The following STK3 variants were observed in gnomAD, a reference collection of about 807,000 sequenced individuals.
STK3 encodes serine/threonine-protein kinase 3.
STK3 carries 41 observed loss-of-function variants against 58.0 expected under a neutral mutation model. The ratio of observed to expected loss-of-function variants is 0.71; its 90% CI spans 0.55 to 0.92. STK3 has a LOEUF of 0.92. Among genes scored for constraint, STK3 ranks in the 40% least tolerant of loss-of-function variants. The pLI is 0.00. For synonymous variants in STK3, 170 were observed against 191.0 expected, an observed-to-expected ratio of 0.89 and a Z score of 0.91; for missense variants, 479 against 602.7, an observed-to-expected ratio of 0.79 and a Z score of 2.15.
chr8:98,734,112 G>A (rs117997420), intron 4 of STK3, among the ~76,000 whole-genome samples: 4,805 of 152,086 alleles, frequency 0.032, 113 homozygotes, highest in Non-Finnish European at 0.047. Flanking sequence ...AAGAACAGCC[G>A]GGGGAAATCT....
chr8:98,825,406 C>T, intron 1 of STK3, 109 bp downstream of exon 1: 1 of 1,071,310 alleles, frequency 9.3e-7, no homozygotes, highest in East Asian at 4.0e-5. Context: ...GCGCCCGGCT[C>T]GGGGCCCGGC....
At chr8:98,412,018 T>C (rs1277515439) in intron 3 of STK3, among the ~76,000 whole-genome samples, 1 of 152,172 alleles carries the variant, frequency 6.6e-6, no homozygotes, top group East Asian at 1.9e-4. Flanking sequence ...CCCTCCAGTT[T>C]AAAATCAGCT....
At chr8:98,824,806 T>C (rs1216883294) in intron 1 of STK3, among the ~76,000 whole-genome samples, 1 of 152,242 alleles carries the variant, frequency 6.6e-6, no homozygotes, top group African/African-American at 2.4e-5. Context: ...GAGATTACTA[T>C]CCTTATTTTA....
At chr8:98,741,652 CA>C (rs1829222208) in intron 4 of STK3, among the ~76,000 whole-genome samples, 2 of 151,888 alleles carry the variant, frequency 1.3e-5, no homozygotes, top group Non-Finnish European at 2.9e-5. Context: ...AGGAAAGATC[CA>C]AAATTGACAC....
At position 98,665,214 on chromosome 8, in the gene STK3, G is replaced by A. The variant is rs147235411; in HGVS notation, c.684+41253C>T. ...TCTTTTTTACAGATGATTACGTTAC[G>A]TAATTCACAGAGATCGTATTAGAGA... On this transcript the variant is annotated intron_variant, in intron 6 of 10. Coordinates refer to ENST00000419617, the MANE Select transcript of STK3 (RefSeq NM_006281.4). Among the ~76,000 whole-genome samples, 9 of 152,240 alleles carry A rather than the reference G, an allele frequency of 5.9e-5. 1 individual carries two copies. The South Asian group carries it at 6.2e-4, about 11-fold the overall frequency.
chr8:98,684,350 G>T (rs1180561500), intron 6 of STK3, among the ~76,000 whole-genome samples: 1 of 152,062 alleles, frequency 6.6e-6, no homozygotes. Flanking sequence ...TGGGTACTGT[G>T]TAACGTCCCA....
intron 10 of STK3, among the ~76,000 whole-genome samples, chr8:98,480,545 T>C (rs933749621): frequency 6.6e-6 from 1 of 152,076 alleles, no homozygotes; most frequent in African/African-American, 2.4e-5. Flanking sequence ...CACAGTATGA[T>C]TTCAAAAAAA....
chr8:98,622,736 T>C (rs1818424048), intron 6 of STK3, among the ~76,000 whole-genome samples: 1 of 152,190 alleles, frequency 6.6e-6, no homozygotes, highest in South Asian at 2.1e-4. Context: ...GTATTAAACT[T>C]TTATTACAAT....
At chr8:98,939,299 G>A (rs1225627799) in intron 1 of STK3, among the ~76,000 whole-genome samples, 2 of 152,208 alleles carry the variant, frequency 1.3e-5, no homozygotes, top group Non-Finnish European at 2.9e-5. Context: ...TCTGATCTAG[G>A]TTAGTGGTTC....
At chr8:98,796,257 C>T (rs2131603040) in intron 1 of STK3, among the ~76,000 whole-genome samples, 1 of 152,292 alleles carries the variant, frequency 6.6e-6, no homozygotes, top group East Asian at 1.9e-4. Context: ...TATAAGGCTA[C>T]TTTAACCAAA....
chr8:98,601,771 G>T (rs1348983593), intron 6 of STK3: 1 of 152,228 alleles, frequency 6.6e-6, no homozygotes, highest in East Asian at 1.9e-4. Context: ...CATCTTCTCA[G>T]TTGTGAAGTT....
intron 1 of STK3, chr8:98,905,375 C>CT (rs1181832335): frequency 6.2e-6 from 7 of 1,137,396 alleles, no homozygotes; most frequent in African/African-American, 1.5e-5. Flanking sequence ...GACCATACTT[C>CT]TCAAACTTGG....
chr8:98,452,074 A>C (rs959388231), downstream of STK3, among the ~76,000 whole-genome samples: 1 of 152,234 alleles, frequency 6.6e-6, no homozygotes, highest in Admixed American at 6.5e-5. Flanking sequence ...AATCTTTAAC[A>C]TACAGGATAG....
chr8:98,659,448 T>C (rs1392613027), intron 6 of STK3, among the ~76,000 whole-genome samples: 3 of 151,890 alleles, frequency 2.0e-5, no homozygotes, highest in African/African-American at 4.8e-5. Context: ...ATTCTTATCA[T>C]ATTACTAAAA....
At chr8:98,643,712 G>T (rs1820195782) in intron 6 of STK3, among the ~76,000 whole-genome samples, 1 of 152,180 alleles carries the variant, frequency 6.6e-6, no homozygotes, top group Admixed American at 6.5e-5. Context: ...TTTGTTGAAT[G>T]AATAAATGAA....
chr8:98,624,625 G>A (rs1024120285), intron 6 of STK3, among the ~76,000 whole-genome samples: 3 of 152,172 alleles, frequency 2.0e-5, no homozygotes, highest in African/African-American at 7.2e-5. Context: ...ACCAAGGCGG[G>A]TGGGATCACT....
At chr8:98,390,452 TTC>T (rs1817837951), upstream of STK3, among the ~76,000 whole-genome samples, 1 of 152,192 alleles carries the variant, frequency 6.6e-6, no homozygotes, top group African/African-American at 2.4e-5. Flanking sequence ...ATTTTCAAGA[TTC>T]TCTCTGTCTT....
chr8:98,549,029 T>C (rs185802030), intron 8 of STK3, among the ~76,000 whole-genome samples: 12 of 152,330 alleles, frequency 7.9e-5, no homozygotes, highest in Non-Finnish European at 7.3e-5. Flanking sequence ...ATTTGGATTG[T>C]TGACACCTTT....
intron 1 of STK3, among the ~76,000 whole-genome samples, chr8:98,941,240 G>A (rs1476734780): frequency 6.6e-6 from 1 of 152,266 alleles, no homozygotes; most frequent in East Asian, 1.9e-4. Context: ...AAAATTCTTA[G>A]CCTTTTGCCC....
Sources: allele counts gnomAD v4.1 joint callset (sites outside exome capture counted in the v4.1 genomes callset), GRCh38; gene constraint gnomAD v4.1.1; transcripts MANE v1.5; gene names NCBI Gene and HGNC (gene_info 2026-07-23, HGNC 2026-07-21).